The following RALYL variants were observed in gnomAD, a reference collection of about 807,000 sequenced individuals.
RALYL encodes the protein RNA-binding Raly-like protein.
Under a neutral mutation model 35.1 loss-of-function variants are expected in RALYL, and 29 were observed. The observed-to-expected ratio is 0.83, with a 90% confidence interval of 0.61 to 1.13. RALYL has a LOEUF of 1.13. RALYL is among the 50% of genes most tolerant of loss of function. The probability of loss-of-function intolerance (pLI) is 0.00; values close to 1 mark genes in which losing one functional copy is unlikely to be tolerated. For missense variants in RALYL, 359 were observed against 360.4 expected, an observed-to-expected ratio of 1.00 and a Z score of 0.03; for synonymous variants, 120 against 127.6, an observed-to-expected ratio of 0.94 and a Z score of 0.40.
chr8:84,454,428 C>A (rs956728862), intron 1 of RALYL, among the ~76,000 whole-genome samples: 2 of 151,770 alleles, frequency 1.3e-5, no homozygotes, highest in Admixed American at 6.6e-5. Context: ...AGACTACTTG[C>A]GATCTTTAAG....
chr8:84,251,436 C>G (rs1830172022), intron 1 of RALYL, among the ~76,000 whole-genome samples: 1 of 152,028 alleles, frequency 6.6e-6, no homozygotes, highest in Admixed American at 6.6e-5. Context: ...CTCCTTGACA[C>G]CACTTTTGAA....
intron 2 of RALYL, among the ~76,000 whole-genome samples, chr8:84,667,408 T>C (rs1429136182): frequency 6.6e-6 from 1 of 152,134 alleles, no homozygotes; most frequent in African/African-American, 2.4e-5. Context: ...TATTTTCTTT[T>C]ACTCCTTCTT....
At chr8:84,753,691 G>A (rs1446717168) in intron 2 of RALYL, among the ~76,000 whole-genome samples, 1 of 152,064 alleles carries the variant, frequency 6.6e-6, no homozygotes, top group Non-Finnish European at 1.5e-5. Flanking sequence ...TTCCAGCCAG[G>A]TGAAGTGCTG....
At chr8:84,681,594 T>C (rs1303432591) in intron 2 of RALYL, among the ~76,000 whole-genome samples, 3 of 152,334 alleles carry the variant, frequency 2.0e-5, no homozygotes, top group African/African-American at 7.2e-5. Flanking sequence ...TATTTTATTC[T>C]CTTTGAAGCA....
intron 4 of RALYL, among the ~76,000 whole-genome samples, chr8:84,833,537 C>T (rs1831337832): frequency 6.6e-6 from 1 of 151,198 alleles, no homozygotes; most frequent in Admixed American, 6.6e-5. Context: ...ACTCGGGAGG[C>T]TGAGGCAGGA....
intron 1 of RALYL, among the ~76,000 whole-genome samples, chr8:84,392,392 A>G (rs770690734): frequency 6.6e-6 from 1 of 152,010 alleles, no homozygotes; most frequent in African/African-American, 2.4e-5. Context: ...TTCATTTGTA[A>G]ATTGAATCTA....
chr8:84,715,854 C>T (rs564798936), intron 2 of RALYL, among the ~76,000 whole-genome samples: 2 of 152,116 alleles, frequency 1.3e-5, no homozygotes, highest in South Asian at 2.1e-4. Flanking sequence ...TATAGGAAAA[C>T]ATTATATGTG....
intron 1 of RALYL, among the ~76,000 whole-genome samples, chr8:84,356,026 G>A (rs1254253983): frequency 1.3e-5 from 2 of 149,846 alleles, no homozygotes; most frequent in Admixed American, 1.3e-4. Context: ...TGGTTTAAAA[G>A]TGTGTGGCAC....
intron 2 of RALYL, among the ~76,000 whole-genome samples, chr8:84,678,583 A>G (rs914674919): frequency 1.1e-4 from 17 of 152,076 alleles, no homozygotes; most frequent in Non-Finnish European, 2.9e-5. Context: ...AGCGTTTTTT[A>G]ATGCAAACAA....
At chr8:84,668,883 C>T (rs574560332) in intron 2 of RALYL, among the ~76,000 whole-genome samples, 1 of 151,998 alleles carries the variant, frequency 6.6e-6, no homozygotes, top group South Asian at 2.1e-4. Context: ...ATCAAGTATC[C>T]AAGAAATTTA....
chr8:84,921,139 C>A lies in RALYL; in HGVS notation c.*228C>A. The A allele has an allele frequency of 2.8e-6, 1 of 361,692 alleles. No individual in the cohort carries two copies. The highest frequency in any genetic ancestry group is 5.0e-6 in the Non-Finnish European group (1 of 199,626). 22.4% of individuals were successfully genotyped at this position (361,692 alleles called of 1,614,324 possible). A position where few individuals can be genotyped will look rare whatever the true frequency, so the allele number is the denominator to read the frequency against. The stretch of plus-strand genomic sequence containing the variant: ...GGTTTAAATTGTAAATGTGTTTTCC[C>A]CTTTGCTAATTATGTTTTTTTTTTC... On this transcript the variant is annotated 3_prime_UTR_variant, in exon 9 of 9. Coordinates refer to ENST00000521268, the MANE Select transcript of RALYL (RefSeq NM_173848.7).
intron 1 of RALYL, among the ~76,000 whole-genome samples, chr8:84,325,342 T>G (rs1266137149): frequency 2.6e-5 from 4 of 152,234 alleles, no homozygotes; most frequent in Non-Finnish European, 4.4e-5. Flanking sequence ...TTACTAATTA[T>G]ACTTTCCTCC....
At chr8:84,797,281 A>T (rs1047605431) in intron 3 of RALYL, among the ~76,000 whole-genome samples, 2 of 152,208 alleles carry the variant, frequency 1.3e-5, no homozygotes, top group African/African-American at 4.8e-5. Flanking sequence ...CATCTCTTAA[A>T]GGTCTCACTT....
intron 2 of RALYL, among the ~76,000 whole-genome samples, chr8:84,573,213 T>G (rs1480728666): frequency 6.6e-6 from 1 of 151,646 alleles, no homozygotes; most frequent in East Asian, 1.9e-4. Flanking sequence ...TATTCCTTTA[T>G]GTAAATGGAA....
chr8:84,641,988 G>A (rs143377485), intron 2 of RALYL, among the ~76,000 whole-genome samples: 197 of 151,902 alleles, frequency 1.3e-3, no homozygotes, highest in African/African-American at 4.3e-3. Flanking sequence ...TTAGAAACTA[G>A]TTTTATTTAT....
At chr8:84,340,484 T>TA (rs901952570) in intron 1 of RALYL, among the ~76,000 whole-genome samples, 3 of 152,108 alleles carry the variant, frequency 2.0e-5, no homozygotes, top group African/African-American at 7.2e-5. Context: ...ACTCTTTATT[T>TA]AAAAGACTTT....
At chr8:84,556,112 T>A (rs1564139642) in intron 2 of RALYL, among the ~76,000 whole-genome samples, 1 of 152,154 alleles carries the variant, frequency 6.6e-6, no homozygotes, top group Non-Finnish European at 1.5e-5. Context: ...CAAAATAAGG[T>A]CACTTAATGT....
chr8:84,578,011 C>G (rs899706006), intron 2 of RALYL, among the ~76,000 whole-genome samples: 1 of 152,200 alleles, frequency 6.6e-6, no homozygotes, highest in Non-Finnish European at 1.5e-5. Flanking sequence ...TTTGCTTCGG[C>G]CCACTGGGCT....
intron 1 of RALYL, among the ~76,000 whole-genome samples, chr8:84,246,139 AGAC>A (rs912283936): frequency 2.0e-5 from 3 of 152,124 alleles, no homozygotes; most frequent in African/African-American, 4.8e-5. Flanking sequence ...CCCAAGAGGT[AGAC>A]AACAGCACCA....
Sources: allele counts gnomAD v4.1 joint callset (sites outside exome capture counted in the v4.1 genomes callset), GRCh38; gene constraint gnomAD v4.1.1; transcripts MANE v1.5; gene names NCBI Gene and HGNC (gene_info 2026-07-23, HGNC 2026-07-21).